The following FNBP1 variants were observed in gnomAD, a reference collection of about 807,000 sequenced individuals.
FNBP1 encodes formin-binding protein 1.
A neutral mutation model predicts 90.6 loss-of-function variants in FNBP1; 26 were observed. The ratio of observed to expected loss-of-function variants is 0.29; its 90% confidence interval spans 0.21 to 0.40. FNBP1 has a LOEUF of 0.40. Ranked by LOEUF, FNBP1 falls within the 10% of genes least tolerant of loss-of-function variation. The pLI is 1.00. For synonymous variants in FNBP1, 260 were observed against 265.2 expected (o/e 0.98, Z 0.19); for missense variants, 635 against 768.0 (o/e 0.83, Z 2.05).
intron 1 of FNBP1, among the ~76,000 whole-genome samples, chr9:130,034,992 T>A (rs2059179470): frequency 6.6e-6 from 1 of 151,974 alleles, no homozygotes. Flanking sequence ...ACAAAAAAAA[T>A]ACAAAAATTA....
At chr9:129,961,678 G>A (rs537712775) in intron 4 of FNBP1, among the ~76,000 whole-genome samples, 5 of 151,998 alleles carry the variant, frequency 3.3e-5, no homozygotes, top group African/African-American at 1.2e-4. Context: ...TCTGCCTCCC[G>A]GGTTCAAGTG....
chr9:130,040,328 C>CT (rs2059709472), intron 1 of FNBP1, among the ~76,000 whole-genome samples: 1 of 152,136 alleles, frequency 6.6e-6, no homozygotes, highest in Non-Finnish European at 1.5e-5. Context: ...ATAAGAATGT[C>CT]TTTTTTAACG....
chr9:129,946,038 G>A (rs1273048931), intron 6 of FNBP1, among the ~76,000 whole-genome samples: 4 of 152,078 alleles, frequency 2.6e-5, no homozygotes, highest in South Asian at 2.1e-4. Flanking sequence ...GTGTAGTGGC[G>A]TACGCCTGTA....
At chr9:130,006,001 C>G (rs1296186678) in intron 1 of FNBP1, among the ~76,000 whole-genome samples, 4 of 151,584 alleles carry the variant, frequency 2.6e-5, no homozygotes, top group Non-Finnish European at 5.9e-5. Flanking sequence ...TGTGAGGTAA[C>G]TGACAAAAAG....
At chr9:129,893,624 A>AAAAAAAAAAAAAAG (rs2035338898) in intron 16 of FNBP1, among the ~76,000 whole-genome samples, 1 of 131,352 alleles carries the variant, frequency 7.6e-6, no homozygotes, top group Non-Finnish European at 1.6e-5. Flanking sequence ...AAAAAAAAAA[A>AAAAAAAAAAAAAAG]AAAAAAAAAA....
intron 6 of FNBP1, among the ~76,000 whole-genome samples, chr9:129,942,757 AAC>A (rs949711321): frequency 6.6e-5 from 10 of 152,222 alleles, no homozygotes; most frequent in African/African-American, 2.2e-4. Context: ...GAAAATATAA[AAC>A]ACTTTCCAGT....
upstream of FNBP1, among the ~76,000 whole-genome samples, chr9:130,045,737 A>C (rs956635068): frequency 1.6e-4 from 24 of 152,242 alleles, no homozygotes; most frequent in African/African-American, 5.8e-4. Flanking sequence ...TTCAAAAAAT[A>C]AAGGAGAGAG....
intron 1 of FNBP1, among the ~76,000 whole-genome samples, chr9:130,009,985 A>G (rs1023545913): frequency 2.6e-5 from 4 of 151,962 alleles, no homozygotes; most frequent in Non-Finnish European, 4.4e-5. Context: ...TCTCAAAAAA[A>G]AAAAAAAAAA....
Position 129,900,375 on chromosome 9 carries a change from C to G in FNBP1, c.1550+51G>C. On this transcript the variant is annotated intron_variant, in intron 14 of 16. Transcript: ENST00000446176. This position sits in a 1 kb window ranked among gnomAD's most constrained non-coding sequence, Gnocchi z 4.1. ...AGATTCCAAAATTTAGAAATAAATACAAAGCCAACAGGCTCCCTTGCCAGA... is the reference window on the plus strand; with the variant it reads ...AGATTCCAAAATTTAGAAATAAATAGAAAGCCAACAGGCTCCCTTGCCAGA... The G allele has an allele frequency of 6.8e-7, 1 of 1,465,650 alleles. No individual in the cohort carries two copies. The highest frequency in any genetic ancestry group is 9.0e-7 in the Non-Finnish European group (1 of 1,106,890). The allele number at this position is 1,465,650 out of a possible 1,614,324, so 90.8% of individuals were successfully genotyped here.
In FNBP1 at chr9:129,924,003, G is replaced by C. The variant is rs1399341482; in HGVS notation, c.1011C>G (p.Pro337=). The C allele has an allele frequency of 6.6e-7, 1 of 1,507,884 alleles. No homozygotes were observed. The highest frequency in any genetic ancestry group is 8.8e-7 in the Non-Finnish European group (1 of 1,130,174). 93.4% of individuals were successfully genotyped at this position (1,507,884 alleles called of 1,614,324 possible). Residue 337 remains proline (P), a synonymous_variant, in exon 10 of 17, where the codon CCC becomes CCG. Transcript: ENST00000446176. ...CAGGAGGGGGAGGGGGAGGCTGATG[G>C]GGGGATGTTAAAAGGGACATAAGCT... ...KNKLMSLLTS[P]HQPPPPPPAS...
At chr9:130,030,654 G>A (rs1382125852) in intron 1 of FNBP1, among the ~76,000 whole-genome samples, 1 of 152,114 alleles carries the variant, frequency 6.6e-6, no homozygotes, top group Non-Finnish European at 1.5e-5. Flanking sequence ...TGCTCTCCAA[G>A]AAATGCTATA....
chr9:130,009,140 G>A (rs1413840723), intron 1 of FNBP1, among the ~76,000 whole-genome samples: 2 of 152,272 alleles, frequency 1.3e-5, no homozygotes, highest in Middle Eastern at 3.4e-3. Context: ...AAATGTTTAA[G>A]GCCCTGGCAT....
intron 10 of FNBP1, among the ~76,000 whole-genome samples, chr9:129,921,238 C>CTAACAAGT (rs1481909515): frequency 1.3e-5 from 2 of 151,548 alleles, no homozygotes; most frequent in African/African-American, 4.8e-5. Flanking sequence ...TGATAATAAA[C>CTAACAAGT]TTGTTATCAA....
chr9:129,909,177 A>T, intron 11 of FNBP1, 178 bp from the exon 12 acceptor site: 1 of 638,052 alleles, frequency 1.6e-6, no homozygotes, highest in South Asian at 1.7e-5. Context: ...TGCAAACTGC[A>T]TAAGTCCCAT....
At chr9:129,936,178 G>A (rs776358024) in intron 6 of FNBP1, among the ~76,000 whole-genome samples, 61 of 152,138 alleles carry the variant, frequency 4.0e-4, no homozygotes, top group Non-Finnish European at 6.0e-4. Flanking sequence ...TTACAGTATC[G>A]CTGGTAGCCC....
At chr9:129,974,893 G>GA (rs914969519) in intron 4 of FNBP1, among the ~76,000 whole-genome samples, 2 of 150,418 alleles carry the variant, frequency 1.3e-5, no homozygotes, top group Non-Finnish European at 3.0e-5. Flanking sequence ...AAAGGAAAAA[G>GA]AAAAAAAATG....
chr9:129,950,995 T>C (rs1588809129), intron 6 of FNBP1, among the ~76,000 whole-genome samples: 1 of 134,052 alleles, frequency 7.5e-6, no homozygotes, highest in South Asian at 2.4e-4. Flanking sequence ...TTTTTGAGAC[T>C]GAGTCTCCCT....
At chr9:130,009,142 C>T (rs2056203426) in intron 1 of FNBP1, among the ~76,000 whole-genome samples, 2 of 152,100 alleles carry the variant, frequency 1.3e-5, no homozygotes, top group Admixed American at 6.6e-5. Context: ...ATGTTTAAGG[C>T]CCTGGCATCT....
intron 1 of FNBP1, among the ~76,000 whole-genome samples, chr9:130,038,106 G>A (rs112427605): frequency 0.039 from 5,907 of 152,126 alleles, 372 homozygotes; most frequent in African/African-American, 0.13. Context: ...TGTAATCCCA[G>A]CACTTTGGGA....
Sources: gnomAD v4.1 joint callset for allele counts (sites outside exome capture counted in the v4.1 genomes callset) on GRCh38, gnomAD v4.1.1 for gene constraint, Gnocchi (gnomAD v3.1) non-coding constraint, MANE v1.5 for transcripts, NCBI Gene and HGNC (gene_info 2026-07-23, HGNC 2026-07-21) for gene names.